The following WDR62 variants were observed in gnomAD, a reference collection of about 807,000 sequenced individuals.
WDR62 encodes the protein WD repeat domain 62, also known as WD repeat-containing protein 62.
In WDR62, 112 loss-of-function variants were observed where a neutral mutation model predicts 160.6. The ratio of observed to expected loss-of-function variants is 0.70; its 90% CI spans 0.60 to 0.82. The LOEUF is 0.82. Ranked by LOEUF, WDR62 falls within the 40% of genes least tolerant of loss-of-function variation. The pLI, the probability that WDR62 is intolerant of heterozygous loss-of-function variation, is 0.00. For synonymous variants in WDR62, 792 were observed against 815.1 expected, an observed-to-expected ratio of 0.97 and a Z score of 0.48; for missense variants, 1,819 against 1,983.8, an observed-to-expected ratio of 0.92 and a Z score of 1.58.
chr19:36,094,723 A>G (rs964114550), intron 20 of WDR62, among the ~76,000 whole-genome samples: 4 of 151,756 alleles, frequency 2.6e-5, no homozygotes, highest in Admixed American at 6.6e-5. Context: ...GAGCCCATCT[A>G]TGCAAAAAAA....
At chr19:36,075,003 A>G (rs1397140488) in intron 9 of WDR62, 1 of 151,746 alleles carries the variant, frequency 6.6e-6, no homozygotes, top group African/African-American at 2.4e-5. Flanking sequence ...AGTTCTAGAA[A>G]ATTCTCAGCC....
At chr19:36,098,229 T>C (rs1280933205) in intron 21 of WDR62, among the ~76,000 whole-genome samples, 8 of 150,826 alleles carry the variant, frequency 5.3e-5, no homozygotes, top group Non-Finnish European at 1.0e-4. Flanking sequence ...GCTACTGCAC[T>C]CCAGCTTGGA....
At chr19:36,071,793 T>A in intron 8 of WDR62, 77 bp downstream of exon 8, 1 of 1,528,936 alleles carries the variant, frequency 6.5e-7, no homozygotes. Context: ...TGCTTCCAGA[T>A]CCATCTATCT....
chr19:36,081,489 T>G lies in WDR62; in HGVS notation c.1290T>G (p.Thr430=). ...GTTTGCCATCAGGATCCTTTCTGAC[T>G]TGTTCTTCAGACAACACCATTCGCT... ...RACLPSGSFL[T]CSSDNTIRFW... The change falls in exon 10 of 32, where the codon ACT becomes ACG. Residue 430 remains threonine, a synonymous_variant. Transcript: ENST00000401500. 6.2e-7 allele frequency: 1 copy of G among 1,614,242 alleles called. No individual in the cohort carries two copies. The highest frequency in any genetic ancestry group is 1.1e-5 in the South Asian group (1 of 91,090).
Position 36,094,078 on chromosome 19 carries a change from C to T in WDR62, c.2381C>T (p.Pro794Leu), listed in dbSNP as rs149431376. 6.2e-7 allele frequency: 1 copy of T among 1,614,124 alleles called. No homozygotes were observed. Among genetic ancestry groups the T allele is most frequent in the South Asian group, 1.1e-5 (1 of 91,082 alleles). The change falls in exon 20 of 32, where the codon CCT becomes CTT. Residue 794 changes from proline to leucine, a missense_variant. Transcript: ENST00000401500. Reference sequence around the variant, plus strand: ...CCTAGTGAGATTCACTCCCTGAGCCCTGGAGAGCAAACAGAGGATGATCTG... The same window carrying T: ...CCTAGTGAGATTCACTCCCTGAGCCTTGGAGAGCAAACAGAGGATGATCTG... The part of the protein sequence containing the change: ...STPSEIHSLS[P>L]GEQTEDDLEE...
Position 36,094,196 on chromosome 19 carries a change from C to T in WDR62, c.2467+32C>T, listed in dbSNP as rs750873988. The T allele has an allele frequency of 5.0e-6, 8 of 1,610,158 alleles. 1 individual carries two copies. In the South Asian group the frequency reaches 8.8e-5, roughly 18 times the overall value. On this transcript the variant is annotated intron_variant, in intron 20 of 31. Transcript: ENST00000401500. Reference sequence around the variant, plus strand: ...AAAGGGGCCCTATTTTGAACTATGTCAGTGTAGGGAATCATTGCTGGGTTT... The same window carrying T: ...AAAGGGGCCCTATTTTGAACTATGTTAGTGTAGGGAATCATTGCTGGGTTT...
intron 21 of WDR62, 116 bp downstream of exon 21, chr19:36,097,195 T>C: frequency 1.0e-6 from 1 of 1,003,834 alleles, no homozygotes; most frequent in Admixed American, 2.0e-5. Flanking sequence ...AGAAGCCCTG[T>C]CATCCTTCCA....
At chr19:36,060,269 C>G (rs144713939) in intron 3 of WDR62, 2 of 574,264 alleles carry the variant, frequency 3.5e-6, no homozygotes, top group Non-Finnish European at 6.3e-6. Flanking sequence ...CAGCAAATTA[C>G]GGGCTGATCA....
rs1279068945 is a variant in WDR62 at position 36,099,606 on chromosome 19, C to G, written c.2728C>G (p.Leu910Val). ...ACTGGAGCCACAGAGCCTGGCCAGCCTGCTGAGTGAGGTACACACTTCCAC... is the reference window on the plus strand; with the variant it reads ...ACTGGAGCCACAGAGCCTGGCCAGCGTGCTGAGTGAGGTACACACTTCCAC... Reference protein sequence around the residue: ...DSLEPQSLASLLSESESPQEA... With the variant: ...DSLEPQSLASVLSESESPQEA... The change falls in exon 22 of 32, where the codon CTG becomes GTG. Residue 910 changes from leucine to valine, a missense_variant. By Grantham distance (32) the Leu-to-Val change is conservative. This residue lies in a region of WDR62 where 934 missense variants were observed against 1,157.2 expected (regional missense o/e 0.81). Coordinates refer to ENST00000401500, the MANE Select transcript of WDR62 (RefSeq NM_001083961.2). 6.2e-7 allele frequency: 1 copy of G among 1,614,168 alleles called. No individual in the cohort carries two copies. Among genetic ancestry groups the G allele is most frequent in the African/African-American group, 1.3e-5 (1 of 75,074 alleles).
chr19:36,101,911 C>T, intron 25 of WDR62, 103 bp from the exon 26 acceptor site: 1 of 1,577,582 alleles, frequency 6.3e-7, no homozygotes, highest in Non-Finnish European at 8.7e-7. Flanking sequence ...AGCCTGCGGG[C>T]AACAGGGCAG....
downstream of WDR62, among the ~76,000 whole-genome samples, chr19:36,108,364 CT>C (rs1279050192): frequency 6.6e-6 from 1 of 151,922 alleles, no homozygotes; most frequent in Non-Finnish European, 1.5e-5. Context: ...AACTCCCCCC[CT>C]GCTTCTACCC....
Position 36,099,595 on chromosome 19 carries a change from G to A in WDR62, c.2717G>A (p.Ser906Asn), listed in dbSNP as rs1005732950. The A allele has an allele frequency of 3.7e-6, 6 of 1,614,192 alleles. No individual in the cohort carries two copies. The highest frequency in any genetic ancestry group is 5.1e-6 in the Non-Finnish European group (6 of 1,180,044). Residue 906 changes from serine to asparagine, a missense_variant, in exon 22 of 32, where the codon AGC (serine) becomes AAC (asparagine). Physicochemically the swap from Ser to Asn is conservative, Grantham distance 46. Transcript: ENST00000401500. ...NSILDSLEPQ[S>N]LASLLSESES... ...ATTCTGGATTCACTGGAGCCACAGA[G>A]CCTGGCCAGCCTGCTGAGTGAGGTA... is the stretch of plus-strand genomic sequence containing the variant.
At chr19:36,056,812 CT>C (rs1005571081) in intron 1 of WDR62, among the ~76,000 whole-genome samples, 719 of 139,774 alleles carry the variant, frequency 5.1e-3, no homozygotes, top group Middle Eastern at 0.011. Context: ...TTTTTCTTTT[CT>C]TTTTTTTTTT....
chr19:36,089,379 TC>T lies in WDR62; in HGVS notation c.1958+75del, dbSNP rs1015304960. The T allele has an allele frequency of 3.6e-5, 58 of 1,611,534 alleles. No individual in the cohort carries two copies. The African/African-American group carries it at 5.6e-4, about 16-fold the overall frequency. On this transcript the variant is annotated intron_variant, in intron 15 of 31. Coordinates refer to ENST00000401500, the MANE Select transcript of WDR62 (RefSeq NM_001083961.2). ...AGGCTGTCTGCTTTCCTCCCTCTGT[TC>T]CTCTGGTCCCCAAGAAGCTGGGAAG...
rs1401833365 is a variant in WDR62 at position 36,103,025 on chromosome 19, G to A, written c.3413G>A (p.Gly1138Glu). The change falls in exon 28 of 32, where the codon GGA becomes GAA. Residue 1138 changes from glycine to glutamate, a missense_variant. Transcript: ENST00000401500. ...SPEVKLMDRG[G>E]SQPRAGTGYA... is the part of the protein sequence containing the mutation. ...GAGGTCAAGCTCATGGACCGAGGCG[G>A]AAGCCAGCCCAGAGCAGGTACTGGC... 1 of 1,614,028 alleles carries A rather than the reference G, an allele frequency of 6.2e-7. No homozygotes were observed. The highest frequency in any genetic ancestry group is 8.5e-7 in the Non-Finnish European group (1 of 1,180,046).
In WDR62 at chr19:36,073,545, C is replaced by T; in HGVS notation, c.1233+14C>T. 1.3e-6 allele frequency: 2 copies of T among 1,497,026 alleles called. No individual in the cohort carries two copies. The highest frequency in any genetic ancestry group is 1.7e-4 in the Middle Eastern group (1 of 5,806). The allele number at this position is 1,497,026 out of a possible 1,614,324, so 92.7% of individuals were successfully genotyped here. A position where few individuals can be genotyped will look rare whatever the true frequency, so the allele number is the denominator to read the frequency against. ...TGGAACGTGGAGGTGAGCCCCCCCC[C>T]CACCCCCTTGCCCCTGCTTGGCCTC... On this transcript the variant is annotated intron_variant, in intron 9 of 31. Transcript: ENST00000401500.
chr19:36,071,867 C>T (rs1971319420), intron 8 of WDR62, 151 bp downstream of exon 8: 9 of 1,127,260 alleles, frequency 8.0e-6, no homozygotes, highest in Non-Finnish European at 1.1e-5. Context: ...GCAGAAAAGT[C>T]CTTGCCTTCC....
chr19:36,070,136 CTTTTATTTAT>C (rs1003478747), intron 7 of WDR62: 12 of 149,696 alleles, frequency 8.0e-5, no homozygotes, highest in African/African-American at 1.2e-4. Context: ...AATACATAAA[CTTTTATTTAT>C]TTTTATTTAT....
chr19:36,071,845 G>A, intron 8 of WDR62, 129 bp downstream of exon 8: 1 of 1,290,922 alleles, frequency 7.7e-7, no homozygotes, highest in Non-Finnish European at 1.0e-6. Context: ...TCTCAGCCCT[G>A]GGCATTACAA....
Sources: allele counts gnomAD v4.1 joint callset (sites outside exome capture counted in the v4.1 genomes callset), GRCh38; gene constraint gnomAD v4.1.1; regional missense constraint gnomAD v4.1.1; transcripts MANE v1.5; gene names NCBI Gene and HGNC (gene_info 2026-07-23, HGNC 2026-07-21).